The following SPATA32 variants were observed in gnomAD, a reference collection of about 807,000 sequenced individuals.
The protein encoded by SPATA32 is spermatogenesis associated 32, also known as spermatogenesis-associated protein 32.
In SPATA32, 28 loss-of-function variants were observed where a neutral mutation model predicts 35.4. That is an observed-to-expected ratio of 0.79 (90% confidence interval 0.59 to 1.09). The LOEUF is 1.09. Among genes scored for constraint, SPATA32 ranks in the 50% least tolerant of loss-of-function variants. The probability of loss-of-function intolerance (pLI) is 0.00; values close to 1 mark genes in which losing one functional copy is unlikely to be tolerated. For synonymous variants in SPATA32, 168 were observed against 196.3 expected (o/e 0.86, Z 1.20); for missense variants, 409 against 475.9 (o/e 0.86, Z 1.31).
chr17:45,260,377 C>G (rs947949574), intron 1 of SPATA32, among the ~76,000 whole-genome samples: 1 of 152,142 alleles, frequency 6.6e-6, no homozygotes, highest in Non-Finnish European at 1.5e-5. Context: ...CATCCTTCAT[C>G]CTTTCACCCA....
In SPATA32 at chr17:45,255,507, G is replaced by A. The variant is rs1289805077; in HGVS notation, c.675C>T (p.Ser225=). The A allele has an allele frequency of 6.2e-7, 1 of 1,614,114 alleles. No homozygotes were observed. The highest frequency in any genetic ancestry group is 8.5e-7 in the Non-Finnish European group (1 of 1,180,012). The change falls in exon 4 of 5, where the codon AGC becomes AGT. Residue 225 remains serine, a synonymous_variant. Coordinates refer to ENST00000331780, the MANE Select transcript of SPATA32 (RefSeq NM_152343.3). The surrounding 1 kb of genome is among the most constrained non-coding windows in gnomAD (Gnocchi z 5.4). ...APPTTSSQAP[S]PLLSSDLPPP... ...GCGGGAGATCTGAGGACAGGAGGGG[G>A]CTTGGTGCCTGGGAGCTTGTGGTTG...
chr17:45,261,878 G>C, intron 1 of SPATA32, 126 bp downstream of exon 1: 1 of 1,099,374 alleles, frequency 9.1e-7, no homozygotes, highest in Non-Finnish European at 1.2e-6. Flanking sequence ...CAGGTGCCGG[G>C]GGTTTGGGAG....
At position 45,256,436 on chromosome 17, in the gene SPATA32, G is replaced by A; in HGVS notation, c.69-21C>T. ...CATCTCTAAGACAGAAGAAGACAGA[G>A]TGGGTGATGGGGATCTGTGGGGCTT... On this transcript the variant is annotated intron_variant, in intron 2 of 4. Transcript: ENST00000331780. The surrounding 1 kb of genome is among the most constrained non-coding windows in gnomAD (Gnocchi z 4.7). The A allele has an allele frequency of 6.2e-7, 1 of 1,606,860 alleles. No homozygotes were observed. The highest frequency in any genetic ancestry group is 8.5e-7 in the Non-Finnish European group (1 of 1,173,286).
rs2043949817 is a variant in SPATA32 at position 45,255,711 on chromosome 17, G to C, written c.471C>G (p.Leu157=). ...CCTGGATGAGCTTGTTTGCCCAGAA[G>C]AGGTGCTTGGAGGTCTGCGCACTGA... ...HSISAQTSKH[L]FWANKLIQAS... Residue 157 remains leucine (L), a synonymous_variant, in exon 4 of 5, where the codon CTC becomes CTG. Transcript: ENST00000331780. This position sits in a 1 kb window ranked among gnomAD's most constrained non-coding sequence, Gnocchi z 5.4. 6.2e-7 allele frequency: 1 copy of C among 1,614,140 alleles called. No homozygotes were observed. The highest frequency in any genetic ancestry group is 2.2e-5 in the East Asian group (1 of 44,888).
At position 45,256,110 on chromosome 17, in the gene SPATA32, C is replaced by G. The variant is rs751271295; in HGVS notation, c.109-37G>C. 1 of 1,566,324 alleles carries G rather than the reference C, an allele frequency of 6.4e-7. No homozygotes were observed. The highest frequency in any genetic ancestry group is 1.9e-5 in the Admixed American group (1 of 52,160). ...CAACTCAAAGCTGAGGAGGCAGGAGCGGGAGGTCCTGCCCCTGAGGCCCTC... is the reference window on the plus strand; with the variant it reads ...CAACTCAAAGCTGAGGAGGCAGGAGGGGGAGGTCCTGCCCCTGAGGCCCTC... On this transcript the variant is annotated intron_variant, in intron 3 of 4. Coordinates refer to ENST00000331780, the MANE Select transcript of SPATA32 (RefSeq NM_152343.3). This position sits in a 1 kb window ranked among gnomAD's most constrained non-coding sequence, Gnocchi z 4.7.
Position 45,255,972 on chromosome 17 carries a change from C to T in SPATA32, c.210G>A (p.Pro70=), listed in dbSNP as rs746529002. ...GGTATAGCTCTGACTCCAGTAAAGC[C>T]GGCACCTGTCCGATCTCCAGTTCTG... The part of the protein sequence containing the change: ...PDPELEIGQV[P]ALLESELYPA... The change falls in exon 4 of 5, where the codon CCG becomes CCA. Residue 70 remains proline, a synonymous_variant. Transcript: ENST00000331780. The surrounding 1 kb of genome is among the most constrained non-coding windows in gnomAD (Gnocchi z 5.4). The T allele has an allele frequency of 1.6e-5, 26 of 1,613,968 alleles. No individual in the cohort carries two copies. Among genetic ancestry groups the T allele is most frequent in the African/African-American group, 9.3e-5 (7 of 74,890 alleles).
chr17:45,261,755 A>G (rs1374155086), intron 1 of SPATA32: 2 of 401,898 alleles, frequency 5.0e-6, no homozygotes, highest in African/African-American at 4.1e-5. Context: ...CCCTACTCCA[A>G]GGCGCGCATG....
In SPATA32 at chr17:45,256,149, C is replaced by G; in HGVS notation, c.109-76G>C. 3 of 1,478,958 alleles carry G rather than the reference C, an allele frequency of 2.0e-6. No homozygotes were observed. Among genetic ancestry groups the G allele is most frequent in the South Asian group, 2.4e-5 (2 of 82,986 alleles). The allele number at this position is 1,478,958 out of a possible 1,614,324, so 91.6% of individuals were successfully genotyped here. ...CCTGAGGCCCTCCCTGGCACCGAGT[C>G]CCTGCCCCACCCCTGCCCTGGGTCC... On this transcript the variant is annotated intron_variant, in intron 3 of 4. Transcript: ENST00000331780. This position sits in a 1 kb window ranked among gnomAD's most constrained non-coding sequence, Gnocchi z 4.7.
chr17:45,254,540 T>G (rs1567979510), intron 4 of SPATA32, 27 bp from the exon 5 acceptor site: 1 of 1,611,896 alleles, frequency 6.2e-7, no homozygotes, highest in Admixed American at 1.7e-5. Flanking sequence ...AGAGTGTCAC[T>G]TGGGCCCCAG....
intron 1 of SPATA32, chr17:45,261,721 T>A: frequency 2.6e-6 from 1 of 379,914 alleles, no homozygotes; most frequent in Non-Finnish European, 4.7e-6. Flanking sequence ...TCAGAACCCC[T>A]TCAAGAACCA....
rs1263634669 is a variant in SPATA32, at chr17:45,256,550, C to T, written c.69-135G>A. The T allele has an allele frequency of 4.1e-6, 3 of 738,726 alleles. No individual in the cohort carries two copies. The highest frequency in any genetic ancestry group is 7.3e-6 in the Non-Finnish European group (3 of 413,770). 45.8% of individuals were successfully genotyped at this position (738,726 alleles called of 1,614,324 possible). A position where few individuals can be genotyped will look rare whatever the true frequency, so the allele number is the denominator to read the frequency against. On this transcript the variant is annotated intron_variant, in intron 2 of 4. Transcript: ENST00000331780. The surrounding 1 kb of genome is among the most constrained non-coding windows in gnomAD (Gnocchi z 4.7). ...GCACCTCCCGCCGACCACCCCGCCA[C>T]CAGCTCATCCACTCCCCTGCTGTCC...
At chr17:45,261,005 C>T (rs1213447421) in intron 1 of SPATA32, 1 of 152,078 alleles carries the variant, frequency 6.6e-6, no homozygotes, top group Non-Finnish European at 1.5e-5. Context: ...AAGCCCAATT[C>T]AAATAATCAG....
rs1251259157 is a variant in SPATA32 at position 45,255,252 on chromosome 17, C to G, written c.930G>C (p.Trp310Cys). The G allele has an allele frequency of 4.3e-6, 7 of 1,614,104 alleles. No individual in the cohort carries two copies. Among genetic ancestry groups the G allele is most frequent in the Non-Finnish European group, 5.9e-6 (7 of 1,180,048 alleles). The change falls in exon 4 of 5, where the codon TGG becomes TGC. Residue 310 changes from tryptophan (W) to cysteine (C), a missense_variant. Trp to Cys is a radical substitution (Grantham distance 215). Transcript: ENST00000331780. This position sits in a 1 kb window ranked among gnomAD's most constrained non-coding sequence, Gnocchi z 5.4. ...GAGCGAAGTTCTTGTCTTCCTGACT[C>G]CAAGATTTCAGTGGTGCTCTGGCTT... is the stretch of plus-strand genomic sequence containing the variant. Reference protein sequence around the residue: ...PREARAPLKSWSQEDKNFAQS... With the variant: ...PREARAPLKSCSQEDKNFAQS...
In SPATA32 at chr17:45,255,756, C is replaced by T. The variant is rs2043950263; in HGVS notation, c.426G>A (p.Val142=). ...NCRSFTEENH[V]SACHHSISAQ... ...CACTGATGGAGTGATGGCAGGCAGA[C>T]ACGTGGTTCTCCTCCGTGAAACTCC... The change falls in exon 4 of 5, where the codon GTG becomes GTA. Residue 142 remains valine (V), a synonymous_variant. Transcript: ENST00000331780. This position sits in a 1 kb window ranked among gnomAD's most constrained non-coding sequence, Gnocchi z 5.4. 2 of 1,613,904 alleles carry T rather than the reference C, an allele frequency of 1.2e-6. No individual in the cohort carries two copies. Among genetic ancestry groups the T allele is most frequent in the East Asian group, 2.2e-5 (1 of 44,898 alleles).
In SPATA32 at chr17:45,256,440, G is replaced by A; in HGVS notation, c.69-25C>T. The stretch of plus-strand genomic sequence containing the variant: ...TCTAAGACAGAAGAAGACAGAGTGG[G>A]TGATGGGGATCTGTGGGGCTTCAGC... On this transcript the variant is annotated intron_variant, in intron 2 of 4. Transcript: ENST00000331780. The surrounding 1 kb of genome is among the most constrained non-coding windows in gnomAD (Gnocchi z 4.7). The A allele has an allele frequency of 1.9e-6, 3 of 1,604,832 alleles. No homozygotes were observed. The highest frequency in any genetic ancestry group is 2.6e-6 in the Non-Finnish European group (3 of 1,171,514).
In SPATA32 at chr17:45,256,322, A is replaced by G. The variant is rs1299403081; in HGVS notation, c.108+54T>C. On this transcript the variant is annotated intron_variant, in intron 3 of 4. Coordinates refer to ENST00000331780, the MANE Select transcript of SPATA32 (RefSeq NM_152343.3). The surrounding 1 kb of genome is among the most constrained non-coding windows in gnomAD (Gnocchi z 4.7). ...GTAGGGGCTGGTGGGGACTTAGGGA[A>G]GAGCCCTGCCGCTTGCCTACCACCT... is the stretch of plus-strand genomic sequence containing the variant. 8 of 1,568,588 alleles carry G rather than the reference A, an allele frequency of 5.1e-6. No individual in the cohort carries two copies. The Admixed American group carries it at 1.2e-4, about 23-fold the overall frequency.
intron 1 of SPATA32, chr17:45,261,715 A>T: frequency 2.6e-6 from 1 of 387,018 alleles, no homozygotes; most frequent in Non-Finnish European, 4.6e-6. Flanking sequence ...GTGGTCTCAG[A>T]ACCCCTTCAA....
intron 1 of SPATA32, among the ~76,000 whole-genome samples, chr17:45,260,292 A>G (rs1598230025): frequency 6.6e-6 from 1 of 152,188 alleles, no homozygotes; most frequent in East Asian, 1.9e-4. Context: ...TGTGGCTGCC[A>G]CGGTTCTGCC....
rs150189342 is a variant in SPATA32 at position 45,255,943 on chromosome 17, G to A, written c.239C>T (p.Ala80Val). The change falls in exon 4 of 5, where the codon GCC becomes GTC. Residue 80 changes from alanine (A) to valine (V), a missense_variant. Transcript: ENST00000331780. The surrounding 1 kb of genome is among the most constrained non-coding windows in gnomAD (Gnocchi z 5.4). The part of the protein sequence containing the change: ...PALLESELYP[A>V]LKLEAELDTE... ...GTCCAGCTCAGCTTCAAGCTTGAGG[G>A]CTGGGTATAGCTCTGACTCCAGTAA... 6.2e-6 allele frequency: 10 copies of A among 1,614,106 alleles called. No homozygotes were observed. Among genetic ancestry groups the A allele is most frequent in the Non-Finnish European group, 8.5e-6 (10 of 1,180,024 alleles).
Sources: allele counts gnomAD v4.1 joint callset (sites outside exome capture counted in the v4.1 genomes callset), GRCh38; gene constraint gnomAD v4.1.1; non-coding constraint Gnocchi (gnomAD v3.1); transcripts MANE v1.5; gene names NCBI Gene and HGNC (gene_info 2026-07-23, HGNC 2026-07-21).